Variants in AOAH observed in about 807,000 individuals in gnomAD.
The protein encoded by AOAH is acyloxyacyl hydrolase (neutrophil).
AOAH carries 64 observed loss-of-function variants against 92.2 expected under a neutral mutation model. That is an observed-to-expected ratio of 0.69 (90% confidence interval 0.57 to 0.86). AOAH has a LOEUF of 0.86. Among genes scored for constraint, AOAH ranks in the 40% least tolerant of loss-of-function variants. AOAH has a pLI of 0.00. For synonymous variants in AOAH, 263 were observed against 254.5 expected (o/e 1.03, Z -0.32); for missense variants, 656 against 694.6 (o/e 0.94, Z 0.62).
intron 11 of AOAH, among the ~76,000 whole-genome samples, chr7:36,603,373 G>C (rs1435233875): frequency 2.6e-5 from 4 of 152,044 alleles, no homozygotes. Flanking sequence ...CCACTGTCTT[G>C]ACTGCTCAGT....
chr7:36,584,978 T>G (rs1165140508), intron 12 of AOAH, among the ~76,000 whole-genome samples: 2 of 152,142 alleles, frequency 1.3e-5, no homozygotes, highest in Admixed American at 1.3e-4. Flanking sequence ...GTCACCTGAT[T>G]CCCATACTCA....
At chr7:36,656,668 C>T (rs915078422) in intron 4 of AOAH, among the ~76,000 whole-genome samples, 9 of 151,686 alleles carry the variant, frequency 5.9e-5, no homozygotes, top group African/African-American at 1.9e-4. Context: ...GTTTATGTAC[C>T]GAAGGATGTA....
At chr7:36,713,013 T>C (rs1798869789) in intron 1 of AOAH, among the ~76,000 whole-genome samples, 1 of 148,768 alleles carries the variant, frequency 6.7e-6, no homozygotes, top group African/African-American at 2.5e-5. Context: ...GGCTAAATGA[T>C]CCAATTAAAA....
chr7:36,553,925 T>A (rs1255398721), intron 13 of AOAH, among the ~76,000 whole-genome samples: 1 of 152,110 alleles, frequency 6.6e-6, no homozygotes, highest in Non-Finnish European at 1.5e-5. Flanking sequence ...TTCTCCCATT[T>A]TGTAGGTTGC....
chr7:36,662,355 C>T (rs911037709), intron 3 of AOAH, among the ~76,000 whole-genome samples: 14 of 152,176 alleles, frequency 9.2e-5, no homozygotes, highest in Non-Finnish European at 2.9e-5. Flanking sequence ...CTGCTTAGCC[C>T]CAGGTCCCTT....
chr7:36,545,659 A>G (rs1365568216), intron 15 of AOAH, among the ~76,000 whole-genome samples: 1 of 152,190 alleles, frequency 6.6e-6, no homozygotes, highest in Non-Finnish European at 1.5e-5. Flanking sequence ...CTTTCTGTGT[A>G]TACTCCTAAG....
At chr7:36,642,074 T>C (rs1005553961) in intron 4 of AOAH, among the ~76,000 whole-genome samples, 4 of 152,158 alleles carry the variant, frequency 2.6e-5, no homozygotes, top group African/African-American at 9.7e-5. Flanking sequence ...CCTAAATTCA[T>C]ATCTGAGATC....
chr7:36,621,743 T>A lies in AOAH; in HGVS notation c.620A>T (p.Asn207Ile). 1 of 1,614,092 alleles carries A rather than the reference T, an allele frequency of 6.2e-7. No individual in the cohort carries two copies. The highest frequency in any genetic ancestry group is 8.5e-7 in the Non-Finnish European group (1 of 1,179,994). Residue 207 changes from asparagine (N) to isoleucine (I), a missense_variant, in exon 8 of 21, where the codon AAT becomes ATT. By Grantham distance (149) the Asn-to-Ile change is moderately radical. Coordinates refer to ENST00000617537, the MANE Select transcript of AOAH (RefSeq NM_001637.4). ...RGYHWRGRDC[N>I]DSDESVYPGR... ...TGGGTACACTGACTCGTCGCTGTCA[T>A]TACAGTCTCTCCCCCGCCAGTGATA...
chr7:36,697,035 T>TTTC (rs1331221206), intron 1 of AOAH, among the ~76,000 whole-genome samples: 1 of 147,716 alleles, frequency 6.8e-6, no homozygotes, highest in Non-Finnish European at 1.5e-5. Flanking sequence ...CTTTATTATT[T>TTTC]TTCTTTTTTT....
chr7:36,560,144 A>G (rs757385197), intron 13 of AOAH, among the ~76,000 whole-genome samples: 1 of 152,268 alleles, frequency 6.6e-6, no homozygotes, highest in African/African-American at 2.4e-5. Flanking sequence ...GCCTTATAGT[A>G]TAGTTTGAAG....
At chr7:36,568,370 A>G (rs2116553969) in intron 13 of AOAH, among the ~76,000 whole-genome samples, 1 of 152,312 alleles carries the variant, frequency 6.6e-6, no homozygotes, top group East Asian at 1.9e-4. Flanking sequence ...CTTTAGCTCA[A>G]AATAATCCTT....
Position 36,638,153 on chromosome 7 carries a change from A to T in AOAH, c.391-243T>A, listed in dbSNP as rs1793650397. 5.3e-5 allele frequency among the ~76,000 whole-genome samples: 8 copies of T among 152,342 alleles called. No homozygotes were observed. The South Asian group carries it at 1.4e-3, about 28-fold the overall frequency. On this transcript the variant is annotated intron_variant, in intron 4 of 20. Transcript: ENST00000617537. ...ACATTATCTTATTTACTCTTCAAAC[A>T]GCCCTGTGAGATACGACCATTTCAT... is the stretch of plus-strand genomic sequence containing the variant.
At chr7:36,705,623 GA>G (rs1207988508) in intron 1 of AOAH, among the ~76,000 whole-genome samples, 5 of 152,104 alleles carry the variant, frequency 3.3e-5, no homozygotes, top group Admixed American at 2.0e-4. Flanking sequence ...CACAGAATTA[GA>G]AAAAAACTAC....
chr7:36,617,867 C>T lies in AOAH; in HGVS notation c.751+430G>A, dbSNP rs138821774. 4.3e-3 allele frequency among the ~76,000 whole-genome samples: 660 copies of T among 152,338 alleles called. 6 individuals are homozygous for T. The highest frequency in any genetic ancestry group is 0.014 in the African/African-American group (594 of 41,576). Reference sequence around the variant, plus strand: ...GAAGTCATTCAGACATTCAGATATGCATCTTTAGCCTAGTGGACACAGAGA... The same window carrying T: ...GAAGTCATTCAGACATTCAGATATGTATCTTTAGCCTAGTGGACACAGAGA... On this transcript the variant is annotated intron_variant, in intron 10 of 20. Coordinates refer to ENST00000617537, the MANE Select transcript of AOAH (RefSeq NM_001637.4).
At chr7:36,583,888 C>T (rs1789118335) in intron 12 of AOAH, among the ~76,000 whole-genome samples, 1 of 152,174 alleles carries the variant, frequency 6.6e-6, no homozygotes, top group African/African-American at 2.4e-5. Context: ...GAACATTAAA[C>T]TGTGATAAAG....
chr7:36,641,704 G>A lies in AOAH; in HGVS notation c.391-3794C>T, dbSNP rs79103320. ...TAACACACTCCCATGCATACATTTC[G>A]CATTCCCCCACTAAACCTCAAGCTC... On this transcript the variant is annotated intron_variant, in intron 4 of 20. Coordinates refer to ENST00000617537, the MANE Select transcript of AOAH (RefSeq NM_001637.4). Among the ~76,000 whole-genome samples, 821 of 152,046 alleles carry A rather than the reference G, an allele frequency of 5.4e-3. 9 individuals carry two copies. Among genetic ancestry groups the A allele is most frequent in the African/African-American group, 0.018 (759 of 41,440 alleles).
chr7:36,516,006 AC>A lies in AOAH; in HGVS notation c.1600-2627del, dbSNP rs1210754621. On this transcript the variant is annotated intron_variant, in intron 20 of 20. Transcript: ENST00000617537. The surrounding 1 kb of genome is among the most constrained non-coding windows in gnomAD (Gnocchi z 5.0). The stretch of plus-strand genomic sequence containing the variant: ...CACACATCACGCATACATACACCAC[AC>A]CCCTCACAACCCCACACAACACATA... 5.7e-5 allele frequency among the ~76,000 whole-genome samples: 8 copies of A among 141,172 alleles called. No homozygotes were observed. The South Asian group carries it at 1.4e-3, about 25-fold the overall frequency. 92.6% of individuals were successfully genotyped at this position (141,172 alleles called of 152,430 possible). A position where few individuals can be genotyped will look rare whatever the true frequency, so the allele number is the denominator to read the frequency against.
At chr7:36,663,579 T>G (rs6963680) in intron 3 of AOAH, among the ~76,000 whole-genome samples, 19,913 of 152,270 alleles carry the variant, frequency 0.13, 1,514 homozygotes, top group Non-Finnish European at 0.18. Context: ...TGTAGCCTTT[T>G]CAGATTGTTT....
intron 13 of AOAH, among the ~76,000 whole-genome samples, chr7:36,553,471 G>A (rs1786440905): frequency 6.6e-6 from 1 of 151,610 alleles, no homozygotes; most frequent in Admixed American, 6.6e-5. Context: ...CTTTATAGCA[G>A]CATGATATAT....
Sources: allele counts gnomAD v4.1 joint callset (sites outside exome capture counted in the v4.1 genomes callset), GRCh38; gene constraint gnomAD v4.1.1; non-coding constraint Gnocchi (gnomAD v3.1); transcripts MANE v1.5; gene names NCBI Gene and HGNC (gene_info 2026-07-23, HGNC 2026-07-21).